Variants in PTBP3 observed in about 807,000 individuals in gnomAD.
The protein encoded by PTBP3 is polypyrimidine tract-binding protein 3.
A neutral mutation model predicts 58.7 loss-of-function variants in PTBP3; 20 were observed. The observed-to-expected ratio is 0.34, with a 90% CI of 0.24 to 0.50. The LOEUF (loss-of-function observed/expected upper bound fraction) is 0.50, where lower values mean the gene tolerates loss of function less well. Ranked by LOEUF, PTBP3 falls within the 20% of genes least tolerant of loss-of-function variation. The probability of loss-of-function intolerance (pLI) is 0.98; values close to 1 mark genes in which losing one functional copy is unlikely to be tolerated. For missense variants in PTBP3, 509 were observed against 637.2 expected (o/e 0.80, Z 2.17); for synonymous variants, 185 against 219.8 (o/e 0.84, Z 1.40).
intron 2 of PTBP3, among the ~76,000 whole-genome samples, chr9:112,281,726 ACTAT>A (rs1013537868): frequency 2.6e-5 from 4 of 152,300 alleles, no homozygotes; most frequent in Admixed American, 6.5e-5. Flanking sequence ...CAGCTATATG[ACTAT>A]CTGAGTTTTC....
intron 8 of PTBP3, among the ~76,000 whole-genome samples, chr9:112,234,512 T>C (rs1014389116): frequency 2.2e-4 from 33 of 152,228 alleles, no homozygotes. Flanking sequence ...TTATACATTT[T>C]ATATAACAAC....
chr9:112,310,620 T>C (rs893289999), intron 1 of PTBP3, among the ~76,000 whole-genome samples: 1 of 152,352 alleles, frequency 6.6e-6, no homozygotes, highest in East Asian at 1.9e-4. Context: ...TAATGGAGCT[T>C]ACAATCTTGC....
chr9:112,349,563 T>C, the PTBP3 span, among the ~76,000 whole-genome samples: 15 of 150,502 alleles, frequency 1.0e-4, no homozygotes, highest in Admixed American at 9.2e-4. Flanking sequence ...TATCTCTACA[T>C]ATAGTGTGCA....
At chr9:112,244,858 C>G (rs1161525974) in intron 7 of PTBP3, among the ~76,000 whole-genome samples, 1 of 151,750 alleles carries the variant, frequency 6.6e-6, no homozygotes, top group Non-Finnish European at 1.5e-5. Flanking sequence ...ACAAGCTGAT[C>G]TTAAAATGCT....
chr9:112,256,998 A>C (rs1164693835), intron 5 of PTBP3, among the ~76,000 whole-genome samples: 1 of 152,158 alleles, frequency 6.6e-6, no homozygotes, highest in Non-Finnish European at 1.5e-5. Context: ...AACATTTGGA[A>C]AATTTTTATA....
At chr9:112,278,757 C>T (rs1253927944) in intron 2 of PTBP3, among the ~76,000 whole-genome samples, 1 of 152,196 alleles carries the variant, frequency 6.6e-6, no homozygotes, top group Admixed American at 6.5e-5. Context: ...AGTTATTTAA[C>T]GTTACTAAGC....
intron 1 of PTBP3, among the ~76,000 whole-genome samples, chr9:112,305,073 T>C (rs1829117218): frequency 6.6e-6 from 1 of 152,202 alleles, no homozygotes; most frequent in East Asian, 1.9e-4. Flanking sequence ...AGGTGATGAC[T>C]AAGAAGCATT....
Position 112,250,930 on chromosome 9 carries a change from A to T in PTBP3, c.801T>A (p.Phe267Leu). 2 of 1,549,282 alleles carry T rather than the reference A, an allele frequency of 1.3e-6. No individual in the cohort carries two copies. Among genetic ancestry groups the T allele is most frequent in the Non-Finnish European group, 1.7e-6 (2 of 1,152,250 alleles). The stretch of plus-strand genomic sequence containing the variant: ...GTGACCCAAAAAAGAACTACTCACC[A>T]AAAGCAGCAGCCATAGGGGGTTCAA... ...PSLEPPMAAA[F>L]GAPGIISSPY... The change falls in exon 7 of 14, where the codon TTT (phenylalanine) becomes TTA (leucine). Residue 267 changes from phenylalanine (F) to leucine (L), a missense_variant and splice_region_variant. By Grantham distance (22) the Phe-to-Leu change is conservative. Transcript: ENST00000374257.
At chr9:112,318,719 T>C (rs1648197970) in intron 1 of PTBP3, among the ~76,000 whole-genome samples, 2 of 148,284 alleles carry the variant, frequency 1.3e-5, no homozygotes, top group Admixed American at 6.7e-5. Context: ...GACATCCCAC[T>C]ACTGCTCTCC....
At chr9:112,332,694 A>G in intron 1 of PTBP3, 1 of 1,497,236 alleles carries the variant, frequency 6.7e-7, no homozygotes, top group South Asian at 1.2e-5. Flanking sequence ...CATAGACTCT[A>G]AATCTTTTTA....
At chr9:112,359,248 C>T in the PTBP3 span, among the ~76,000 whole-genome samples, 1 of 151,524 alleles carries the variant, frequency 6.6e-6, no homozygotes, top group African/African-American at 2.4e-5. Flanking sequence ...TGAGACCAGC[C>T]TGGCCAACGT....
chr9:112,314,832 A>ATT lies in PTBP3; in HGVS notation c.-51-16918_-51-16917dup, dbSNP rs35142599. On this transcript the variant is annotated intron_variant, in intron 1 of 13. Transcript: ENST00000374257. Reference sequence around the variant, plus strand: ...ATTTCAACCAGTCTGTCCCACTGACATTTTTTTTTTTTTTTTTGAGACGGA... The same window carrying ATT: ...ATTTCAACCAGTCTGTCCCACTGACATTTTTTTTTTTTTTTTTTTGAGACGGA... 4.4e-3 allele frequency among the ~76,000 whole-genome samples: 619 copies of ATT among 141,398 alleles called. 5 individuals are homozygous for ATT. Among genetic ancestry groups the ATT allele is most frequent in the African/African-American group, 0.015 (591 of 38,804 alleles). The allele number at this position is 141,398 out of a possible 152,430, so 92.8% of individuals were successfully genotyped here.
chr9:112,274,876 A>C (rs1364466736), intron 3 of PTBP3, among the ~76,000 whole-genome samples: 1 of 152,216 alleles, frequency 6.6e-6, no homozygotes, highest in Non-Finnish European at 1.5e-5. Flanking sequence ...GGCCTATCTG[A>C]ATCAGCACAA....
At chr9:112,339,205 C>G in the PTBP3 span, among the ~76,000 whole-genome samples, 2 of 147,436 alleles carry the variant, frequency 1.4e-5, no homozygotes, top group African/African-American at 5.0e-5. Flanking sequence ...GTGGGAGGAT[C>G]ACCTGAGCCC....
At chr9:112,373,171 C>G in the PTBP3 span, among the ~76,000 whole-genome samples, 4 of 152,256 alleles carry the variant, frequency 2.6e-5, 1 homozygote, top group East Asian at 7.7e-4. Context: ...GCTGGGATTA[C>G]AGGCATGAGC....
the PTBP3 span, among the ~76,000 whole-genome samples, chr9:112,341,506 GTGT>G: frequency 2.6e-5 from 4 of 151,956 alleles, no homozygotes; most frequent in Admixed American, 6.6e-5. Context: ...GTGTGTGTGT[GTGT>G]TGTTGTTGTT....
intron 1 of PTBP3, among the ~76,000 whole-genome samples, chr9:112,328,333 C>T (rs931788446): frequency 2.6e-5 from 4 of 152,136 alleles, no homozygotes; most frequent in African/African-American, 9.7e-5. Context: ...AGAAATTTCT[C>T]CAGATAATGC....
intron 6 of PTBP3, chr9:112,252,271 C>T (rs1836155299): frequency 5.4e-6 from 1 of 183,526 alleles, no homozygotes; most frequent in Admixed American, 6.0e-5. Flanking sequence ...TACAGCCATA[C>T]CACCCTGAAT....
At chr9:112,267,961 G>C in intron 4 of PTBP3, 88 bp downstream of exon 4, 1 of 1,217,870 alleles carries the variant, frequency 8.2e-7, no homozygotes, top group Non-Finnish European at 1.1e-6. Context: ...ATGAATAAAA[G>C]CACATAATTT....
Sources: gnomAD v4.1 joint callset for allele counts (sites outside exome capture counted in the v4.1 genomes callset) on GRCh38, gnomAD v4.1.1 for gene constraint, MANE v1.5 for transcripts, NCBI Gene and HGNC (gene_info 2026-07-23, HGNC 2026-07-21) for gene names.